KCTD8: variants seen among roughly 807,000 people sequenced by gnomAD.
KCTD8 encodes the protein potassium channel tetramerization domain containing 8.
KCTD8 carries 27 observed loss-of-function variants against 31.5 expected under a neutral mutation model. That is an observed-to-expected ratio of 0.86 (90% CI 0.63 to 1.18). The LOEUF is 1.18. Among genes scored for constraint, KCTD8 ranks in the 50% most tolerant of loss-of-function variants. The pLI is 0.00. For missense variants in KCTD8, 658 were observed against 647.7 expected, an observed-to-expected ratio of 1.02 and a Z score of -0.17; for synonymous variants, 290 against 280.0, an observed-to-expected ratio of 1.04 and a Z score of -0.36.
chr4:44,351,011 T>G (rs1215823893), intron 1 of KCTD8, among the ~76,000 whole-genome samples: 1 of 152,178 alleles, frequency 6.6e-6, no homozygotes. Flanking sequence ...ATGTCAATTT[T>G]ATTCAGATAT....
intron 1 of KCTD8, among the ~76,000 whole-genome samples, chr4:44,373,651 G>C (rs1220569785): frequency 3.3e-5 from 5 of 152,004 alleles, no homozygotes; most frequent in Non-Finnish European, 5.9e-5. Context: ...TGTATGCCAG[G>C]ACTAACATGA....
chr4:44,377,139 G>A (rs1344151869), intron 1 of KCTD8, among the ~76,000 whole-genome samples: 1 of 152,124 alleles, frequency 6.6e-6, no homozygotes, highest in Non-Finnish European at 1.5e-5. Flanking sequence ...CAACCTGGAG[G>A]CAACACTGGA....
chr4:44,174,488 A>G lies in KCTD8; in HGVS notation c.*302T>C, dbSNP rs1713137591. ...AAATGACAAACATATCCAGTTGACC[A>G]GAGTTCAAAAACCAAGATACTAAGC... On this transcript the variant is annotated 3_prime_UTR_variant, in exon 2 of 2. Transcript: ENST00000360029. 1 of 238,954 alleles carries G rather than the reference A, an allele frequency of 4.2e-6. No individual in the cohort carries two copies. The highest frequency in any genetic ancestry group is 1.4e-4 in the South Asian group (1 of 7,334). 14.8% of individuals were successfully genotyped at this position (238,954 alleles called of 1,614,324 possible).
intron 1 of KCTD8, among the ~76,000 whole-genome samples, chr4:44,233,943 A>G (rs1200666263): frequency 1.3e-5 from 2 of 152,178 alleles, no homozygotes; most frequent in African/African-American, 4.8e-5. Context: ...TGGCCATGAA[A>G]AAACTGCTTA....
chr4:44,280,929 G>A (rs74716047), intron 1 of KCTD8, among the ~76,000 whole-genome samples: 3,976 of 152,078 alleles, frequency 0.026, 116 homozygotes, highest in East Asian at 0.13. Flanking sequence ...ATAGCTAGAG[G>A]TAGCTTAGAG....
At chr4:44,299,125 G>C (rs1052966748) in intron 1 of KCTD8, among the ~76,000 whole-genome samples, 1 of 152,144 alleles carries the variant, frequency 6.6e-6, no homozygotes, top group African/African-American at 2.4e-5. Context: ...ATACATGCTT[G>C]TGGAAATCTA....
At chr4:44,277,627 C>T (rs2109376522) in intron 1 of KCTD8, among the ~76,000 whole-genome samples, 1 of 151,954 alleles carries the variant, frequency 6.6e-6, no homozygotes, top group South Asian at 2.1e-4. Context: ...AACTAGACCC[C>T]TGTTTTTCCT....
At chr4:44,235,213 A>G (rs1204958600) in intron 1 of KCTD8, among the ~76,000 whole-genome samples, 1 of 149,250 alleles carries the variant, frequency 6.7e-6, no homozygotes, top group Non-Finnish European at 1.5e-5. Flanking sequence ...TTTTTTATAG[A>G]CAATAGCTCA....
At chr4:44,372,089 C>T (rs1338049311) in intron 1 of KCTD8, among the ~76,000 whole-genome samples, 1 of 152,110 alleles carries the variant, frequency 6.6e-6, no homozygotes, top group Admixed American at 6.6e-5. Flanking sequence ...GCATTATTCC[C>T]TACTAGAAAA....
chr4:44,200,019 G>A (rs1400257956), intron 1 of KCTD8, among the ~76,000 whole-genome samples: 1 of 149,526 alleles, frequency 6.7e-6, no homozygotes, highest in African/African-American at 2.6e-5. Flanking sequence ...AAAGGGTACT[G>A]TAAACACCTC....
At chr4:44,269,030 G>GA (rs1248354432) in intron 1 of KCTD8, among the ~76,000 whole-genome samples, 43 of 152,072 alleles carry the variant, frequency 2.8e-4, no homozygotes, top group African/African-American at 8.2e-4. Context: ...CACAGAATTG[G>GA]AAAAAACTAC....
chr4:44,276,178 AATGTATCCCC>A lies in KCTD8; in HGVS notation c.962-100938_962-100929del, dbSNP rs1204103995. On this transcript the variant is annotated intron_variant, in intron 1 of 1. Transcript: ENST00000360029. ...CCATATAAAAGTTGGTCTTTTTATTAATGTATCCCCATGTATGGATTATTCTAAACAATTT... is the reference window on the plus strand; with the variant it reads ...CCATATAAAAGTTGGTCTTTTTATTAATGTATGGATTATTCTAAACAATTT... Among the ~76,000 whole-genome samples, 2 of 151,996 alleles carry A rather than the reference AATGTATCCCC, an allele frequency of 1.3e-5. 1 individual carries two copies. Among genetic ancestry groups the A allele is most frequent in the Admixed American group, 1.3e-4 (2 of 15,208 alleles).
intron 1 of KCTD8, among the ~76,000 whole-genome samples, chr4:44,347,023 T>C (rs1719053403): frequency 1.3e-5 from 2 of 152,314 alleles, no homozygotes; most frequent in East Asian, 1.9e-4. Flanking sequence ...AGACACGTTA[T>C]ATTGAATGAT....
At chr4:44,420,877 G>A (rs1721192440) in intron 1 of KCTD8, among the ~76,000 whole-genome samples, 1 of 151,826 alleles carries the variant, frequency 6.6e-6, no homozygotes, top group Admixed American at 6.6e-5. Context: ...ATAAAGACTC[G>A]AACGAAGTTA....
chr4:44,242,869 CCT>C (rs1034744109), intron 1 of KCTD8, among the ~76,000 whole-genome samples: 66 of 152,170 alleles, frequency 4.3e-4, no homozygotes, highest in African/African-American at 1.5e-3. Context: ...GCTTCTGCTC[CCT>C]CTCTGTCTTT....
At chr4:44,439,677 T>C (rs1247287348) in intron 1 of KCTD8, among the ~76,000 whole-genome samples, 1 of 152,146 alleles carries the variant, frequency 6.6e-6, no homozygotes, top group African/African-American at 2.4e-5. Flanking sequence ...ATCCTTACTT[T>C]TACAGATACC....
rs185239566 is a variant in KCTD8 at position 44,267,800 on chromosome 4, T to G, written c.962-92550A>C. ...AATAAACTAGAAAATCTAGAAGAAA[T>G]GGTAAATCCCTCGACACATACATTC... On this transcript the variant is annotated intron_variant, in intron 1 of 1. Coordinates refer to ENST00000360029, the MANE Select transcript of KCTD8 (RefSeq NM_198353.3). 9.2e-5 allele frequency among the ~76,000 whole-genome samples: 14 copies of G among 152,256 alleles called. No individual in the cohort carries two copies. In the East Asian group the frequency reaches 2.7e-3, roughly 29 times the overall value.
At chr4:44,235,578 T>G (rs199606671) in intron 1 of KCTD8, among the ~76,000 whole-genome samples, 4,944 of 63,936 alleles carry the variant, frequency 0.077, 626 homozygotes, top group African/African-American at 0.24. Flanking sequence ...TATATATATT[T>G]AGAGAGAGAG....
chr4:44,176,567 A>T (rs1447241093), intron 1 of KCTD8, among the ~76,000 whole-genome samples: 1 of 152,242 alleles, frequency 6.6e-6, no homozygotes, highest in Non-Finnish European at 1.5e-5. Flanking sequence ...CCTATGTGCA[A>T]CACTGCTGGT....
Sources: allele counts gnomAD v4.1 joint callset (sites outside exome capture counted in the v4.1 genomes callset), GRCh38; gene constraint gnomAD v4.1.1; transcripts MANE v1.5; gene names NCBI Gene and HGNC (gene_info 2026-07-23, HGNC 2026-07-21).